SGCE: variants seen among roughly 807,000 people sequenced by gnomAD.
SGCE encodes the protein sarcoglycan epsilon.
In SGCE, 26 loss-of-function variants were observed where a neutral mutation model predicts 57.8. The ratio of observed to expected loss-of-function variants is 0.45; its 90% CI spans 0.33 to 0.62. SGCE has a LOEUF of 0.62. SGCE is among the 20% of genes least tolerant of loss of function. SGCE has a pLI of 0.02. For missense variants in SGCE, 468 were observed against 548.6 expected, an observed-to-expected ratio of 0.85 and a Z score of 1.47; for synonymous variants, 183 against 189.5, an observed-to-expected ratio of 0.97 and a Z score of 0.28.
At chr7:94,608,079 C>G (rs546286991) in intron 5 of SGCE, among the ~76,000 whole-genome samples, 1 of 152,180 alleles carries the variant, frequency 6.6e-6, no homozygotes, top group Non-Finnish European at 1.5e-5. Flanking sequence ...TGTGATGGCT[C>G]ACACCTGTAA....
At position 94,647,776 on chromosome 7, in the gene SGCE, G is replaced by A. The variant is rs186248678; in HGVS notation, c.109+8214C>T. On this transcript the variant is annotated intron_variant, in intron 1 of 10. Coordinates refer to ENST00000648936, the MANE Select transcript of SGCE (RefSeq NM_003919.3). ...GTCTTCCTTTTACCTCATATATACC[G>A]TCCCTCCTTACTAATATTTACTCAT... Among the ~76,000 whole-genome samples the A allele has an allele frequency of 1.5e-4, 23 of 152,082 alleles. No homozygotes were observed. The East Asian group carries it at 4.1e-3, about 27-fold the overall frequency.
chr7:94,591,804 G>A (rs929964120), intron 9 of SGCE, among the ~76,000 whole-genome samples: 1 of 152,142 alleles, frequency 6.6e-6, no homozygotes, highest in Admixed American at 6.5e-5. Flanking sequence ...GACATGGCTG[G>A]TTGAGAAAAA....
intron 9 of SGCE, chr7:94,590,924 C>T (rs1797588569): frequency 6.6e-6 from 1 of 152,078 alleles, no homozygotes; most frequent in Non-Finnish European, 1.5e-5. Flanking sequence ...AACTCTTAAT[C>T]TATAGGTAAC....
intron 10 of SGCE, 97 bp downstream of exon 10, chr7:94,588,591 TG>T: frequency 1.3e-6 from 2 of 1,555,052 alleles, no homozygotes; most frequent in Non-Finnish European, 8.7e-7. Context: ...TTGCCTTATT[TG>T]GTGAAGATAA....
intron 9 of SGCE, chr7:94,589,287 A>T (rs941348147): frequency 6.3e-6 from 1 of 159,376 alleles, no homozygotes; most frequent in African/African-American, 2.4e-5. Flanking sequence ...TTCAGTCCCC[A>T]CATTCAATCA....
At position 94,600,868 on chromosome 7, in the gene SGCE, A is replaced by G. The variant is rs1799109987; in HGVS notation, c.826-11T>C. 3 of 1,593,458 alleles carry G rather than the reference A, an allele frequency of 1.9e-6. No homozygotes were observed. In the African/African-American group the frequency reaches 4.0e-5, roughly 21 times the overall value. On this transcript the variant is annotated splice_polypyrimidine_tract_variant and intron_variant, in intron 6 of 10. Transcript: ENST00000648936. ...CTTTGTTTTATCAACCTGATATAAA[A>G]GAAGACAATTACACAACAAATTAAT...
At chr7:94,643,345 G>C (rs1303759431) in intron 1 of SGCE, among the ~76,000 whole-genome samples, 2 of 152,136 alleles carry the variant, frequency 1.3e-5, no homozygotes, top group African/African-American at 4.8e-5. Context: ...CAGTCTAGTT[G>C]GCTTTTACAG....
At chr7:94,596,949 C>G (rs1798486640) in intron 9 of SGCE, among the ~76,000 whole-genome samples, 1 of 151,874 alleles carries the variant, frequency 6.6e-6, no homozygotes, top group Non-Finnish European at 1.5e-5. Flanking sequence ...AATGATAAAG[C>G]CATTTCATAA....
At chr7:94,610,409 A>T (rs910693431) in intron 5 of SGCE, among the ~76,000 whole-genome samples, 2 of 152,028 alleles carry the variant, frequency 1.3e-5, no homozygotes, top group African/African-American at 4.8e-5. Flanking sequence ...CAAATATACC[A>T]CTCTGGTGGG....
intron 9 of SGCE, chr7:94,598,171 G>A (rs1798692561): frequency 6.3e-6 from 1 of 158,482 alleles, no homozygotes; most frequent in Non-Finnish European, 1.4e-5. Flanking sequence ...AAATGCAACT[G>A]TACAGTTTCC....
At chr7:94,616,709 T>A (rs1801979855) in intron 5 of SGCE, among the ~76,000 whole-genome samples, 1 of 152,202 alleles carries the variant, frequency 6.6e-6, no homozygotes, top group Admixed American at 6.5e-5. Context: ...TGATTTTATA[T>A]AACAACTAAA....
chr7:94,592,404 C>T (rs1220333083), intron 9 of SGCE, among the ~76,000 whole-genome samples: 1 of 151,952 alleles, frequency 6.6e-6, no homozygotes, highest in African/African-American at 2.4e-5. Context: ...AAATAGAGGC[C>T]CTATAATCCT....
At position 94,651,947 on chromosome 7, in the gene SGCE, T is replaced by G. The variant is rs577121177; in HGVS notation, c.109+4043A>C. On this transcript the variant is annotated intron_variant, in intron 1 of 10. Transcript: ENST00000648936. Reference sequence around the variant, plus strand: ...TTTTTCTTCTTTATTATTTTTTTTTTTTGTTTCTCGTACTGCTACTTTAGG... The same window carrying G: ...TTTTTCTTCTTTATTATTTTTTTTTGTTGTTTCTCGTACTGCTACTTTAGG... Among the ~76,000 whole-genome samples the G allele has an allele frequency of 1.5e-3, 231 of 152,164 alleles. 3 individuals carry two copies. Among genetic ancestry groups the G allele is most frequent in the South Asian group, 0.011 (52 of 4,824 alleles).
chr7:94,597,155 T>G (rs947324742), intron 9 of SGCE: 1 of 152,104 alleles, frequency 6.6e-6, no homozygotes, highest in Admixed American at 6.6e-5. Context: ...TTTGTAGACT[T>G]TAATATTTAT....
At chr7:94,619,498 G>T (rs995408431) in intron 4 of SGCE, 4 of 152,200 alleles carry the variant, frequency 2.6e-5, no homozygotes, top group African/African-American at 9.7e-5. Flanking sequence ...AATATTTCAT[G>T]ATTAACATCT....
intron 4 of SGCE, chr7:94,619,858 T>TA (rs968026102): frequency 6.3e-4 from 96 of 152,262 alleles, no homozygotes; most frequent in African/African-American, 2.2e-3. Context: ...AATGTGAACT[T>TA]ACCTTGTACG....
rs1399785858 is a variant in SGCE at position 94,602,403 on chromosome 7, G to A, written c.825+887C>T. On this transcript the variant is annotated intron_variant, in intron 6 of 10. Coordinates refer to ENST00000648936, the MANE Select transcript of SGCE (RefSeq NM_003919.3). ...TGCAATGTGAGTAATATGTTCTCCA[G>A]GATGCAGCTGGCTCTCTAAGACATG... Among the ~76,000 whole-genome samples the A allele has an allele frequency of 2.6e-5, 4 of 152,102 alleles. No individual in the cohort carries two copies. The East Asian group carries it at 7.7e-4, about 29-fold the overall frequency.
At chr7:94,629,882 A>T (rs1240801683) in intron 1 of SGCE, 41 bp from the exon 2 acceptor site, 1 of 1,606,500 alleles carries the variant, frequency 6.2e-7, no homozygotes, top group South Asian at 1.1e-5. Context: ...AAAGACAAAT[A>T]ATGAGATACG....
At chr7:94,631,269 A>C (rs924884574) in intron 1 of SGCE, among the ~76,000 whole-genome samples, 1 of 151,922 alleles carries the variant, frequency 6.6e-6, no homozygotes, top group African/African-American at 2.4e-5. Context: ...AATGAATCAC[A>C]GAAAAATAGT....
Sources: gnomAD v4.1 joint callset for allele counts (sites outside exome capture counted in the v4.1 genomes callset) on GRCh38, gnomAD v4.1.1 for gene constraint, MANE v1.5 for transcripts, NCBI Gene and HGNC (gene_info 2026-07-23, HGNC 2026-07-21) for gene names.